Variants in MIA2 observed in about 807,000 individuals in gnomAD.
MIA2 encodes melanoma inhibitory activity protein 2.
A neutral mutation model predicts 167.8 loss-of-function variants in MIA2; 127 were observed. The observed-to-expected ratio is 0.76, with a 90% CI of 0.66 to 0.88. The LOEUF is 0.88. Among genes scored for constraint, MIA2 ranks in the 40% least tolerant of loss-of-function variants. The probability of loss-of-function intolerance (pLI) is 0.00; values close to 1 mark genes in which losing one functional copy is unlikely to be tolerated. For missense variants in MIA2, 1,690 were observed against 1,624.7 expected, an observed-to-expected ratio of 1.04 and a Z score of -0.69; for synonymous variants, 552 against 541.9, an observed-to-expected ratio of 1.02 and a Z score of -0.26.
At chr14:39,310,050 T>A (rs1742564193) in intron 18 of MIA2, among the ~76,000 whole-genome samples, 1 of 152,194 alleles carries the variant, frequency 6.6e-6, no homozygotes, top group African/African-American at 2.4e-5. Context: ...ATTTATAGAA[T>A]CTGTATTTGT....
Position 39,293,292 on chromosome 14 carries a change from A to T in MIA2, c.2230A>T (p.Arg744Trp). 1 of 1,611,816 alleles carries T rather than the reference A, an allele frequency of 6.2e-7. No individual in the cohort carries two copies. The highest frequency in any genetic ancestry group is 8.5e-7 in the Non-Finnish European group (1 of 1,178,870). ...TTAGGCAACCTGTGAAAAGCTGAAC[A>T]GGTCCAATTCTGAACTTGAGGATGA... ...SLEATCEKLN[R>W]SNSELEDEIL... The change falls in exon 11 of 29, where the codon AGG becomes TGG. Residue 744 changes from arginine (R) to tryptophan (W), a missense_variant. Transcript: ENST00000640607.
intron 23 of MIA2, among the ~76,000 whole-genome samples, chr14:39,360,672 T>C (rs1321483390): frequency 6.6e-6 from 1 of 152,202 alleles, no homozygotes; most frequent in African/African-American, 2.4e-5. Flanking sequence ...TATAGTCCCA[T>C]CTGTCCATTT....
intron 23 of MIA2, chr14:39,385,546 TC>T: frequency 3.6e-6 from 3 of 829,524 alleles, no homozygotes; most frequent in Non-Finnish European, 6.4e-6. Flanking sequence ...ATAAACCAAA[TC>T]AAATTTCCCA....
Position 39,334,756 on chromosome 14 carries a change from C to T in MIA2, c.3655+7734C>T, listed in dbSNP as rs192809672. Among the ~76,000 whole-genome samples the T allele has an allele frequency of 5.8e-3, 878 of 152,018 alleles. 10 individuals carry two copies. The highest frequency in any genetic ancestry group is 0.019 in the African/African-American group (803 of 41,512). On this transcript the variant is annotated intron_variant, in intron 25 of 28. Coordinates refer to ENST00000640607, the MANE Select transcript of MIA2 (RefSeq NM_001329214.4). ...CTAATATTTGTATTTTTAGTAGAGA[C>T]GGGGTTTCACCATGTTGGCCAGGCT... is the stretch of plus-strand genomic sequence containing the variant.
At chr14:39,360,139 T>G in intron 23 of MIA2, among the ~76,000 whole-genome samples, 1 of 152,052 alleles carries the variant, frequency 6.6e-6, no homozygotes, top group East Asian at 1.9e-4. Flanking sequence ...CTGTCTCTAC[T>G]AAAAATACAA....
chr14:39,356,756 T>C (rs1240802906), intron 23 of MIA2, among the ~76,000 whole-genome samples: 5 of 152,228 alleles, frequency 3.3e-5, no homozygotes, highest in Non-Finnish European at 7.3e-5. Context: ...GTTGTATCTT[T>C]GTTCTCATTG....
chr14:39,288,447 A>AT lies in MIA2; in HGVS notation c.2131-2571dup, dbSNP rs1566746559. Among the ~76,000 whole-genome samples, 8 of 4,576 alleles carry AT rather than the reference A, an allele frequency of 1.7e-3. 1 individual carries two copies. Among genetic ancestry groups the AT allele is most frequent in the East Asian group, 8.4e-3 (2 of 238 alleles). 3.0% of individuals were successfully genotyped at this position (4,576 alleles called of 152,430 possible). On this transcript the variant is annotated intron_variant, in intron 9 of 28. Coordinates refer to ENST00000640607, the MANE Select transcript of MIA2 (RefSeq NM_001329214.4). ...ATATATTATACATATATATATATATATATATATATATATATATATATATAT... is the reference window on the plus strand; with the variant it reads ...ATATATTATACATATATATATATATATTATATATATATATATATATATATAT...
At chr14:39,309,695 T>C (rs6571917) in intron 18 of MIA2, among the ~76,000 whole-genome samples, 141,526 of 152,194 alleles carry the variant, frequency 0.93, 65,902 homozygotes, top group East Asian at 0.96. Context: ...ATCTTCCTTA[T>C]GTTAAATACA....
At chr14:39,249,793 C>G (rs914310707) in intron 4 of MIA2, among the ~76,000 whole-genome samples, 2 of 152,018 alleles carry the variant, frequency 1.3e-5, no homozygotes, top group Non-Finnish European at 2.9e-5. Context: ...CAAAAACAAA[C>G]CCTAGAATGA....
At chr14:39,267,398 C>A (rs1167624289) in intron 6 of MIA2, 3 of 1,607,332 alleles carry the variant, frequency 1.9e-6, no homozygotes, top group Non-Finnish European at 2.5e-6. Context: ...TGTTCTCCGC[C>A]GTTTATTGTG....
intron 23 of MIA2, among the ~76,000 whole-genome samples, chr14:39,363,934 G>C (rs183691377): frequency 1.0e-3 from 158 of 152,266 alleles, no homozygotes; most frequent in African/African-American, 3.6e-3. Flanking sequence ...TGATTTTCTT[G>C]TAGGCAGTAT....
intron 24 of MIA2, among the ~76,000 whole-genome samples, chr14:39,323,936 G>C (rs1357703400): frequency 6.6e-6 from 1 of 152,144 alleles, no homozygotes; most frequent in Non-Finnish European, 1.5e-5. Flanking sequence ...AGTTGTCATC[G>C]GGTCTTACAG....
rs145769213 is a variant in MIA2 at position 39,338,287 on chromosome 14, C to T, written c.3656-7617C>T. Among the ~76,000 whole-genome samples, 433 of 152,208 alleles carry T rather than the reference C, an allele frequency of 2.8e-3. 2 individuals are homozygous for T. Among genetic ancestry groups the T allele is most frequent in the African/African-American group, 9.6e-3 (399 of 41,548 alleles). On this transcript the variant is annotated intron_variant, in intron 25 of 28. Transcript: ENST00000640607. ...TACAATACACTATAGTTATGAAAGA[C>T]GTAAACATTGAGTAAAGGGTGTGCA...
intron 17 of MIA2, among the ~76,000 whole-genome samples, chr14:39,306,013 G>C (rs1233516091): frequency 1.3e-5 from 2 of 151,624 alleles, no homozygotes; most frequent in East Asian, 3.9e-4. Flanking sequence ...TTTTACAATA[G>C]GGATGATTAA....
At chr14:39,375,900 TTAGTTATA>T (rs2075034775) in intron 23 of MIA2, among the ~76,000 whole-genome samples, 1 of 152,214 alleles carries the variant, frequency 6.6e-6, no homozygotes, top group African/African-American at 2.4e-5. Context: ...TATTGTTATT[TTAGTTATA>T]TAGTTATCTT....
chr14:39,313,553 C>A, intron 19 of MIA2, 112 bp downstream of exon 19: 2 of 579,008 alleles, frequency 3.5e-6, no homozygotes, highest in African/African-American at 2.0e-5. Context: ...TAAAATCTGA[C>A]AGGTGGTACA....
intron 1 of MIA2, 27 bp downstream of exon 1, chr14:39,234,256 C>T: frequency 7.0e-7 from 1 of 1,435,220 alleles, no homozygotes; most frequent in South Asian, 1.2e-5. Context: ...CGCTTCTTCT[C>T]CTCCTAAATT....
intron 5 of MIA2, 23 bp from the exon 6 acceptor site, chr14:39,253,046 CAT>C: frequency 6.4e-7 from 1 of 1,566,682 alleles, no homozygotes; most frequent in Non-Finnish European, 8.7e-7. Flanking sequence ...ATCATGCTAA[CAT>C]ATTTTTATTT....
At chr14:39,312,018 TG>T (rs1196557416) in intron 18 of MIA2, among the ~76,000 whole-genome samples, 2 of 151,884 alleles carry the variant, frequency 1.3e-5, no homozygotes, top group African/African-American at 4.8e-5. Context: ...TTAGTGGAGA[TG>T]GGGTTTCACC....
Sources: gnomAD v4.1 joint callset for allele counts (sites outside exome capture counted in the v4.1 genomes callset) on GRCh38, gnomAD v4.1.1 for gene constraint, MANE v1.5 for transcripts, NCBI Gene and HGNC (gene_info 2026-07-23, HGNC 2026-07-21) for gene names.